The following SCNN1G variants were observed in gnomAD, a reference collection of about 807,000 sequenced individuals.
SCNN1G encodes the protein sodium channel epithelial 1 subunit gamma.
In SCNN1G, 27 loss-of-function variants were observed where a neutral mutation model predicts 64.6. The ratio of observed to expected loss-of-function variants is 0.42; its 90% confidence interval spans 0.31 to 0.58. The LOEUF (loss-of-function observed/expected upper bound fraction) is 0.58, where lower values mean the gene tolerates loss of function less well. Among genes scored for constraint, SCNN1G ranks in the 20% least tolerant of loss-of-function variants. The pLI is 0.18. For synonymous variants in SCNN1G, 330 were observed against 314.2 expected (o/e 1.05, Z -0.53); for missense variants, 743 against 823.4 (o/e 0.90, Z 1.19).
At chr16:23,211,721 A>G (rs1470193676) in intron 7 of SCNN1G, among the ~76,000 whole-genome samples, 1 of 152,196 alleles carries the variant, frequency 6.6e-6, no homozygotes, top group Non-Finnish European at 1.5e-5. Flanking sequence ...CTGAGGTGGG[A>G]GGATCACTTG....
intron 6 of SCNN1G, among the ~76,000 whole-genome samples, chr16:23,202,023 C>T (rs1567266449): frequency 1.3e-5 from 2 of 152,140 alleles, no homozygotes; most frequent in South Asian, 4.1e-4. Flanking sequence ...CGCTATGTTG[C>T]TCAGACTGGT....
Position 23,189,413 on chromosome 16 carries a change from G to C in SCNN1G, c.360G>C (p.Glu120Asp), listed in dbSNP as rs779636128. 1 of 1,614,164 alleles carries C rather than the reference G, an allele frequency of 6.2e-7. No homozygotes were observed. The highest frequency in any genetic ancestry group is 8.5e-7 in the Non-Finnish European group (1 of 1,180,050). ...VRHLLADLEQ[E>D]TREALKSLYG... ...ACCTTCTAGCTGACTTGGAACAGGA[G>C]ACCAGAGAGGCCCTGAAGTCCCTGT... Residue 120 changes from glutamate (E) to aspartate (D), a missense_variant, in exon 3 of 13, where the codon GAG becomes GAC. By Grantham distance (45) the Glu-to-Asp change is conservative. Coordinates refer to ENST00000300061, the MANE Select transcript of SCNN1G (RefSeq NM_001039.4).
chr16:23,207,951 C>T (rs11643777), intron 6 of SCNN1G, among the ~76,000 whole-genome samples: 1 of 152,038 alleles, frequency 6.6e-6, no homozygotes, highest in East Asian at 1.9e-4. Flanking sequence ...CATTCTTTTT[C>T]TCTTTACCCC....
intron 6 of SCNN1G, among the ~76,000 whole-genome samples, chr16:23,204,960 GCAC>G (rs1374108152): frequency 3.3e-5 from 5 of 152,102 alleles, no homozygotes; most frequent in African/African-American, 1.2e-4. Context: ...TTATAGGCGT[GCAC>G]CACCACACCT....
rs141591871 is a variant in SCNN1G at position 23,192,370 on chromosome 16, G to A, written c.637G>A (p.Asp213Asn). 70 of 1,614,040 alleles carry A rather than the reference G, an allele frequency of 4.3e-5. No homozygotes were observed. The African/African-American group carries it at 6.4e-4, about 15-fold the overall frequency. The change falls in exon 4 of 13, where the codon GAC becomes AAC. Residue 213 changes from aspartate to asparagine, a missense_variant. Coordinates refer to ENST00000300061, the MANE Select transcript of SCNN1G (RefSeq NM_001039.4). ...TTCACAGTGCTCAAATGACACCTCC[G>A]ACTGTGCCACCTACACCTTCAGCTC... ...GFQLCSNDTSDCATYTFSSGI... is the reference protein window; with the variant it reads ...GFQLCSNDTSNCATYTFSSGI...
chr16:23,194,788 C>T (rs905672133), intron 5 of SCNN1G: 1 of 179,984 alleles, frequency 5.6e-6, no homozygotes. Flanking sequence ...ACTGACAGGA[C>T]TTAAGATACA....
chr16:23,184,437 T>A (rs1959572205), intron 1 of SCNN1G, among the ~76,000 whole-genome samples: 1 of 152,248 alleles, frequency 6.6e-6, no homozygotes, highest in African/African-American at 2.4e-5. Flanking sequence ...TATTTCATTT[T>A]TTATTTTTTT....
intron 6 of SCNN1G, among the ~76,000 whole-genome samples, chr16:23,202,383 C>T (rs962414389): frequency 2.0e-5 from 3 of 151,120 alleles, no homozygotes; most frequent in African/African-American, 2.4e-5. Context: ...TGAGTGGGTG[C>T]GTGGGTAGGT....
chr16:23,213,047 G>T (rs1357944619), intron 10 of SCNN1G, 55 bp from the exon 11 acceptor site: 1 of 1,561,520 alleles, frequency 6.4e-7, no homozygotes, highest in South Asian at 1.1e-5. Flanking sequence ...GAGGCGGGAG[G>T]CTGGCCCTAG....
At chr16:23,200,977 T>C (rs1224792201) in intron 6 of SCNN1G, among the ~76,000 whole-genome samples, 1 of 152,196 alleles carries the variant, frequency 6.6e-6, no homozygotes, top group Non-Finnish European at 1.5e-5. Flanking sequence ...GCATGTTACT[T>C]AGGGGCTTTG....
At chr16:23,188,622 G>A (rs779280286) in intron 2 of SCNN1G, among the ~76,000 whole-genome samples, 2 of 152,148 alleles carry the variant, frequency 1.3e-5, no homozygotes, top group Non-Finnish European at 2.9e-5. Flanking sequence ...GTTTTACAAA[G>A]GAGAATGCTA....
rs374970172 is a variant in SCNN1G at position 23,213,094 on chromosome 16, C to T, written c.1432-8C>T. The T allele has an allele frequency of 1.1e-5, 17 of 1,613,436 alleles. No individual in the cohort carries two copies. In the South Asian group the frequency reaches 1.4e-4, roughly 14 times the overall value. On this transcript the variant is annotated splice_polypyrimidine_tract_variant and splice_region_variant and intron_variant, in intron 10 of 12. Transcript: ENST00000300061. Reference sequence around the variant, plus strand: ...CCCTCAGGCCCACGCTTTCTCTCTCCGTTGTAGAAGTGGTTGCTGCCTGTT... The same window carrying T: ...CCCTCAGGCCCACGCTTTCTCTCTCTGTTGTAGAAGTGGTTGCTGCCTGTT...
chr16:23,215,297 A>T lies in SCNN1G; in HGVS notation c.1778A>T (p.Asn593Ile). 1 of 1,614,148 alleles carries T rather than the reference A, an allele frequency of 6.2e-7. No homozygotes were observed. Among genetic ancestry groups the T allele is most frequent in the Non-Finnish European group, 8.5e-7 (1 of 1,180,000 alleles). Residue 593 changes from asparagine (N) to isoleucine (I), a missense_variant, in exon 13 of 13, where the codon AAT becomes ATT. Physicochemically the swap from Asn to Ile is moderately radical, Grantham distance 149. Coordinates refer to ENST00000300061, the MANE Select transcript of SCNN1G (RefSeq NM_001039.4). Reference protein sequence around the residue: ...EAPRSPQGQDNPALDIDDDLP... With the variant: ...EAPRSPQGQDIPALDIDDDLP... ...CCCCGTAGCCCACAGGGCCAGGACA[A>T]TCCAGCCCTGGATATAGACGATGAC...
In SCNN1G at chr16:23,214,582, T is replaced by A. The variant is rs568553430; in HGVS notation, c.1494-130T>A. On this transcript the variant is annotated intron_variant, in intron 11 of 12. Transcript: ENST00000300061. ...GTAGACGGAGCCCTTATGGGCCAGG[T>A]TCTAATATCCCCAAGGAGCTCAGTG... 1.2e-3 allele frequency: 928 copies of A among 746,602 alleles called. 1 individual carries two copies. Among genetic ancestry groups the A allele is most frequent in the Non-Finnish European group, 1.9e-3 (790 of 414,698 alleles). The allele number at this position is 746,602 out of a possible 1,614,324, so 46.2% of individuals were successfully genotyped here.
intron 11 of SCNN1G, 77 bp from the exon 12 acceptor site, chr16:23,214,635 G>A: frequency 1.7e-6 from 2 of 1,163,208 alleles, no homozygotes; most frequent in Non-Finnish European, 2.6e-6. Flanking sequence ...GCTTGGGTAG[G>A]AGGGAGACAG....
chr16:23,197,469 A>T, intron 6 of SCNN1G, 42 bp downstream of exon 6: 6 of 1,581,110 alleles, frequency 3.8e-6, no homozygotes, highest in Non-Finnish European at 5.2e-6. Context: ...GAGAGAACAG[A>T]TCTTTTTTTT....
intron 6 of SCNN1G, among the ~76,000 whole-genome samples, chr16:23,209,475 T>A (rs1960043823): frequency 6.6e-6 from 1 of 152,222 alleles, no homozygotes; most frequent in Non-Finnish European, 1.5e-5. Context: ...AAATATCTTG[T>A]TTATTTATTT....
chr16:23,210,441 T>C (rs1960061721), intron 7 of SCNN1G, among the ~76,000 whole-genome samples: 1 of 152,106 alleles, frequency 6.6e-6, no homozygotes, highest in Non-Finnish European at 1.5e-5. Context: ...AAACAGTGGG[T>C]GTAGCTACCC....
intron 3 of SCNN1G, among the ~76,000 whole-genome samples, chr16:23,191,020 T>C (rs544405369): frequency 6.6e-6 from 1 of 151,882 alleles, no homozygotes; most frequent in Non-Finnish European, 1.5e-5. Flanking sequence ...AGTTTTTGTA[T>C]CTTTAGTAAA....
Sources: gnomAD v4.1 joint callset for allele counts (sites outside exome capture counted in the v4.1 genomes callset) on GRCh38, gnomAD v4.1.1 for gene constraint, MANE v1.5 for transcripts, NCBI Gene and HGNC (gene_info 2026-07-23, HGNC 2026-07-21) for gene names.